The following KIF13B variants were observed in gnomAD, a reference collection of about 807,000 sequenced individuals.
KIF13B encodes the protein kinesin-like protein KIF13B.
In KIF13B, 127 loss-of-function variants were observed where a neutral mutation model predicts 222.0. The ratio of observed to expected loss-of-function variants is 0.57; its 90% confidence interval spans 0.50 to 0.66. The LOEUF is 0.66. Among genes scored for constraint, KIF13B ranks in the 30% least tolerant of loss-of-function variants. The probability of loss-of-function intolerance (pLI) is 0.00; values close to 1 mark genes in which losing one functional copy is unlikely to be tolerated. For missense variants in KIF13B, 2,173 were observed against 2,379.0 expected (o/e 0.91, Z 1.80); for synonymous variants, 976 against 919.0 (o/e 1.06, Z -1.12).
At chr8:29,204,933 G>T (rs1813862421) in intron 2 of KIF13B, among the ~76,000 whole-genome samples, 1 of 152,122 alleles carries the variant, frequency 6.6e-6, no homozygotes, top group South Asian at 2.1e-4. Context: ...AGATTGATCT[G>T]GGGAAAATGT....
intron 2 of KIF13B, among the ~76,000 whole-genome samples, chr8:29,206,252 T>C (rs567523660): frequency 1.3e-5 from 2 of 152,258 alleles, no homozygotes; most frequent in African/African-American, 2.4e-5. Context: ...TAGTGAGACC[T>C]TGTCTCTATG....
At chr8:29,095,444 A>G (rs1403595615) in intron 36 of KIF13B, among the ~76,000 whole-genome samples, 2 of 152,270 alleles carry the variant, frequency 1.3e-5, no homozygotes, top group Non-Finnish European at 2.9e-5. Context: ...AAAAAAGGAG[A>G]GCATTTTTCT....
At chr8:29,162,826 T>G (rs895454180) in intron 12 of KIF13B, among the ~76,000 whole-genome samples, 3 of 152,246 alleles carry the variant, frequency 2.0e-5, no homozygotes, top group African/African-American at 7.2e-5. Flanking sequence ...TTTACTGATA[T>G]CATCAAATAT....
chr8:29,233,413 T>C (rs956513988), intron 2 of KIF13B, among the ~76,000 whole-genome samples: 1 of 152,210 alleles, frequency 6.6e-6, no homozygotes, highest in Non-Finnish European at 1.5e-5. Flanking sequence ...ACTTCAGAAA[T>C]ACCACAGGTA....
intron 24 of KIF13B, among the ~76,000 whole-genome samples, chr8:29,129,214 T>C (rs1253235072): frequency 2.0e-5 from 3 of 152,236 alleles, no homozygotes; most frequent in African/African-American, 2.4e-5. Context: ...GTCAGAAGTA[T>C]GACAAATACT....
intron 37 of KIF13B, among the ~76,000 whole-genome samples, chr8:29,090,154 A>T (rs967819919): frequency 2.6e-4 from 39 of 152,184 alleles, no homozygotes; most frequent in African/African-American, 8.9e-4. Context: ...GAGCGAATAA[A>T]GAAGAACGAA....
chr8:29,158,369 A>T, intron 13 of KIF13B, among the ~76,000 whole-genome samples: 1 of 152,256 alleles, frequency 6.6e-6, no homozygotes, highest in East Asian at 1.9e-4. Context: ...GATAAAGTTA[A>T]GCAGGGATAG....
At chr8:29,121,131 C>G (rs545708293) in intron 29 of KIF13B, among the ~76,000 whole-genome samples, 1 of 151,522 alleles carries the variant, frequency 6.6e-6, no homozygotes, top group Non-Finnish European at 1.5e-5. Flanking sequence ...CCATACTGCC[C>G]AAGGTAATTT....
chr8:29,155,786 T>C lies in KIF13B; in HGVS notation c.1475A>G (p.His492Arg). The change falls in exon 14 of 40, where the codon CAC (histidine) becomes CGC (arginine). Residue 492 changes from histidine to arginine, a missense_variant. By Grantham distance (29) the His-to-Arg change is conservative. Coordinates refer to ENST00000524189, the MANE Select transcript of KIF13B (RefSeq NM_015254.4). ...QLCGMGILPE[H>R]CIIDITSEGQ... is the part of the protein sequence containing the mutation. ...TTCTGACGTGATGTCTATAATACAG[T>C]GTTCAGGAAGAATTCCCATGCCGCA... 2 of 1,599,838 alleles carry C rather than the reference T, an allele frequency of 1.3e-6. No homozygotes were observed. Among genetic ancestry groups the C allele is most frequent in the Non-Finnish European group, 1.7e-6 (2 of 1,172,136 alleles).
chr8:29,254,672 G>A (rs993296328), intron 1 of KIF13B, among the ~76,000 whole-genome samples: 1 of 152,172 alleles, frequency 6.6e-6, no homozygotes, highest in Non-Finnish European at 1.5e-5. Context: ...GTGAGGATGT[G>A]GAGAAAGTGG....
intron 38 of KIF13B, among the ~76,000 whole-genome samples, chr8:29,073,547 G>A (rs1807414589): frequency 6.6e-6 from 1 of 152,194 alleles, no homozygotes; most frequent in African/African-American, 2.4e-5. Flanking sequence ...GGCAGGAACA[G>A]GGAATGAGAT....
intron 2 of KIF13B, among the ~76,000 whole-genome samples, chr8:29,230,540 G>A (rs949047565): frequency 2.6e-5 from 4 of 152,156 alleles, no homozygotes; most frequent in Non-Finnish European, 2.9e-5. Context: ...AAGGGCATGC[G>A]AGAGGACGTC....
intron 36 of KIF13B, among the ~76,000 whole-genome samples, chr8:29,095,628 G>A (rs187736057): frequency 3.3e-5 from 5 of 152,192 alleles, no homozygotes; most frequent in African/African-American, 1.2e-4. Context: ...TTGGCCAGGC[G>A]TGGTGGCACA....
chr8:29,092,881 G>A lies in KIF13B; in HGVS notation c.4325-3C>T. ...GGATGCTGCAAGGTTACTGAGTCCT[G>A]CCCATATTACAGGGGAAAAAGATAA... On this transcript the variant is annotated splice_polypyrimidine_tract_variant and splice_region_variant and intron_variant, in intron 36 of 39. Transcript: ENST00000524189. 3 of 1,604,394 alleles carry A rather than the reference G, an allele frequency of 1.9e-6. No homozygotes were observed. In the South Asian group the frequency reaches 3.4e-5, roughly 18 times the overall value.
intron 2 of KIF13B, among the ~76,000 whole-genome samples, chr8:29,243,378 C>T (rs541513147): frequency 2.8e-4 from 43 of 151,080 alleles, no homozygotes; most frequent in African/African-American, 1.0e-3. Flanking sequence ...AATAACTGGC[C>T]CAGTGTGGTG....
intron 2 of KIF13B, among the ~76,000 whole-genome samples, chr8:29,231,333 ATATAAC>A (rs1223545872): frequency 3.9e-5 from 6 of 152,232 alleles, no homozygotes; most frequent in Non-Finnish European, 5.9e-5. Flanking sequence ...TATACTACTT[ATATAAC>A]TATATTAAAA....
intron 2 of KIF13B, among the ~76,000 whole-genome samples, chr8:29,209,568 C>T (rs17059788): frequency 0.18 from 27,393 of 151,978 alleles, 2,709 homozygotes; most frequent in African/African-American, 0.24. Context: ...TTTTGTGTGA[C>T]GATTCCTGAC....
At chr8:29,221,477 A>C (rs1814750143) in intron 2 of KIF13B, among the ~76,000 whole-genome samples, 1 of 152,022 alleles carries the variant, frequency 6.6e-6, no homozygotes. Context: ...AAAAAAAAAA[A>C]AAAGGAAAGA....
rs142504493 is a variant in KIF13B, at chr8:29,224,547, G to C, written c.149+20799C>G. 4.1e-3 allele frequency among the ~76,000 whole-genome samples: 622 copies of C among 152,268 alleles called. 4 individuals carry two copies. Among genetic ancestry groups the C allele is most frequent in the African/African-American group, 0.014 (570 of 41,554 alleles). On this transcript the variant is annotated intron_variant, in intron 2 of 39. Coordinates refer to ENST00000524189, the MANE Select transcript of KIF13B (RefSeq NM_015254.4). ...ATTTGTATTGGTGACAAAGTCACAGGTACTGCTAATACTATAATTCATTAC... is the reference window on the plus strand; with the variant it reads ...ATTTGTATTGGTGACAAAGTCACAGCTACTGCTAATACTATAATTCATTAC...
Sources: gnomAD v4.1 joint callset for allele counts (sites outside exome capture counted in the v4.1 genomes callset) on GRCh38, gnomAD v4.1.1 for gene constraint, MANE v1.5 for transcripts, NCBI Gene and HGNC (gene_info 2026-07-23, HGNC 2026-07-21) for gene names.